The following GPRIN1 variants were observed in gnomAD, a reference collection of about 807,000 sequenced individuals.
GPRIN1 encodes G protein-regulated inducer of neurite outgrowth 1.
GPRIN1 carries 4 observed loss-of-function variants against 2.8 expected under a neutral mutation model. The observed-to-expected ratio is 1.45, with a 90% confidence interval of 0.71 to 3.32. The LOEUF (loss-of-function observed/expected upper bound fraction) is 3.32, where lower values mean the gene tolerates loss of function less well. Among genes scored for constraint, GPRIN1 ranks in the 30% most tolerant of loss-of-function variants. The pLI, the probability that GPRIN1 is intolerant of heterozygous loss-of-function variation, is 0.01. For synonymous variants in GPRIN1, 589 were observed against 589.9 expected (o/e 1.00, Z 0.02); for missense variants, 1,322 against 1,343.4 (o/e 0.98, Z 0.25).
At position 176,596,807 on chromosome 5, in the gene GPRIN1, A is replaced by T. The variant is rs1198217393; in HGVS notation, c.*1T>A. 2 of 1,430,446 alleles carry T rather than the reference A, an allele frequency of 1.4e-6. No individual in the cohort carries two copies. The highest frequency in any genetic ancestry group is 2.5e-5 in the Admixed American group (1 of 40,628). The allele number at this position is 1,430,446 out of a possible 1,614,324, so 88.6% of individuals were successfully genotyped here. A position where few individuals can be genotyped will look rare whatever the true frequency, so the allele number is the denominator to read the frequency against. On this transcript the variant is annotated 3_prime_UTR_variant, in exon 2 of 2. Transcript: ENST00000303991. This position sits in a 1 kb window ranked among gnomAD's most constrained non-coding sequence, Gnocchi z 5.2. ...ACTCGGGCGTACAAAATGGGGGCAG[A>T]TCACTCGGCCGTGGGTCCCGCCCGC...
chr5:176,600,790 C>T (rs1472787572), intron 1 of GPRIN1, among the ~76,000 whole-genome samples: 1 of 152,134 alleles, frequency 6.6e-6, no homozygotes, highest in African/African-American at 2.4e-5. Flanking sequence ...GTGGTGCACG[C>T]CTGTAATCCC....
At chr5:176,609,221 C>T (rs969885492) in intron 1 of GPRIN1, among the ~76,000 whole-genome samples, 1 of 152,124 alleles carries the variant, frequency 6.6e-6, no homozygotes. Context: ...GCAAGGGACC[C>T]CATGAGCAGG....
rs1360178443 is a variant in GPRIN1 at position 176,598,133 on chromosome 5, C to T, written c.1702G>A (p.Asp568Asn). The change falls in exon 2 of 2, where the codon GAC (aspartate) becomes AAC (asparagine). Residue 568 changes from aspartate (D) to asparagine (N), a missense_variant. Transcript: ENST00000303991. Reference sequence around the variant, plus strand: ...ACCACTTTACCTATAGACACAGAGTCCCCTTGTCCAGAGGGGCCAGCGTCT... The same window carrying T: ...ACCACTTTACCTATAGACACAGAGTTCCCTTGTCCAGAGGGGCCAGCGTCT... ...KADAGPSGQGDSVSIGKVVST... is the reference protein window; with the variant it reads ...KADAGPSGQGNSVSIGKVVST... The T allele has an allele frequency of 6.2e-7, 1 of 1,612,956 alleles. No homozygotes were observed. Among genetic ancestry groups the T allele is most frequent in the East Asian group, 2.2e-5 (1 of 44,858 alleles).
intron 1 of GPRIN1, among the ~76,000 whole-genome samples, chr5:176,603,089 T>C (rs6878704): frequency 0.65 from 98,323 of 151,830 alleles, 32,454 homozygotes; most frequent in Non-Finnish European, 0.72. Flanking sequence ...CCTTTTTTTT[T>C]CCAATGGACA....
chr5:176,601,939 C>T (rs781167566), intron 1 of GPRIN1, among the ~76,000 whole-genome samples: 6 of 152,156 alleles, frequency 3.9e-5, no homozygotes, highest in South Asian at 2.1e-4. Flanking sequence ...TAGTAAAACC[C>T]GAGACAAATC....
rs186291296 is a variant in GPRIN1, at chr5:176,600,826, G to T, written c.-43-949C>A. Among the ~76,000 whole-genome samples, 308 of 152,334 alleles carry T rather than the reference G, an allele frequency of 2.0e-3. 1 individual carries two copies. Among genetic ancestry groups the T allele is most frequent in the African/African-American group, 7.0e-3 (290 of 41,576 alleles). On this transcript the variant is annotated intron_variant, in intron 1 of 1. Transcript: ENST00000303991. ...AGCTACTCAGGAGGCCGAGGCAGGA[G>T]AATTGCTTGAACCTGAGAGGCAGAG... is the stretch of plus-strand genomic sequence containing the variant.
rs780500678 is a variant in GPRIN1 at position 176,597,136 on chromosome 5, G to C, written c.2699C>G (p.Ala900Gly). 2 of 1,456,908 alleles carry C rather than the reference G, an allele frequency of 1.4e-6. No individual in the cohort carries two copies. The highest frequency in any genetic ancestry group is 2.8e-5 in the South Asian group (2 of 72,300). The allele number at this position is 1,456,908 out of a possible 1,614,324, so 90.2% of individuals were successfully genotyped here. Residue 900 changes from alanine to glycine, a missense_variant, in exon 2 of 2, where the codon GCT (alanine) becomes GGT (glycine). Transcript: ENST00000303991. The surrounding 1 kb of genome is among the most constrained non-coding windows in gnomAD (Gnocchi z 6.1). ...CTCAGCCGGCTCCGGGGGCGCTACA[G>C]CGGCCGCCAGCGCTGAGCCGGGCCG... ...RVRPGSALAAAVAPPEPAEPV... is the reference protein window; with the variant it reads ...RVRPGSALAAGVAPPEPAEPV...
At position 176,595,987 on chromosome 5, in the gene GPRIN1, G is replaced by C. The variant is rs965068609; in HGVS notation, c.*821C>G. 4.4e-6 allele frequency: 1 copy of C among 229,756 alleles called. No homozygotes were observed. The highest frequency in any genetic ancestry group is 5.7e-5 in the Admixed American group (1 of 17,466). 14.2% of individuals were successfully genotyped at this position (229,756 alleles called of 1,614,324 possible). On this transcript the variant is annotated 3_prime_UTR_variant, in exon 2 of 2. Transcript: ENST00000303991. ...GGTTATAGAATGAGCTCTCTGTCCT[G>C]TCCCCAATACCCAAGAACACCGGTC... is the stretch of plus-strand genomic sequence containing the variant.
intron 1 of GPRIN1, among the ~76,000 whole-genome samples, chr5:176,605,389 C>G (rs1759209282): frequency 6.6e-6 from 1 of 152,202 alleles, no homozygotes; most frequent in Non-Finnish European, 1.5e-5. Flanking sequence ...CCACCATGCC[C>G]GGCCAAAACA....
rs774645967 is a variant in GPRIN1 at position 176,598,230 on chromosome 5, C to T, written c.1605G>A (p.Ala535=). The T allele has an allele frequency of 3.0e-5, 49 of 1,612,430 alleles. No individual in the cohort carries two copies. The highest frequency in any genetic ancestry group is 2.3e-4 in the Admixed American group (14 of 59,978). ...CGGCCTTCCCTGAGGCTGTGGGAGC[C>T]GCCTTTCCAGAGGCCACCAGACCTG... is the stretch of plus-strand genomic sequence containing the variant. ...EKAGLVASGK[A]APTASGKAEP... Residue 535 remains alanine, a synonymous_variant, in exon 2 of 2, where the codon GCG becomes GCA. Transcript: ENST00000303991.
At chr5:176,608,305 T>G (rs1190800636) in intron 1 of GPRIN1, among the ~76,000 whole-genome samples, 7 of 152,142 alleles carry the variant, frequency 4.6e-5, no homozygotes, top group Admixed American at 4.6e-4. Context: ...GAGCATGCAG[T>G]AGAAGAAGCA....
Position 176,596,567 on chromosome 5 carries a change from G to A in GPRIN1, c.*241C>T, listed in dbSNP as rs1335771541. On this transcript the variant is annotated 3_prime_UTR_variant, in exon 2 of 2. Coordinates refer to ENST00000303991, the MANE Select transcript of GPRIN1 (RefSeq NM_052899.3). This position sits in a 1 kb window ranked among gnomAD's most constrained non-coding sequence, Gnocchi z 5.2. ...CCGGGAGTAGAGCTGAGGGCTGTGAGGGGACAGTGGGGCGTCAGGGCTGGC... is the reference window on the plus strand; with the variant it reads ...CCGGGAGTAGAGCTGAGGGCTGTGAAGGGACAGTGGGGCGTCAGGGCTGGC... The A allele has an allele frequency of 1.9e-5, 5 of 258,380 alleles. No individual in the cohort carries two copies. The highest frequency in any genetic ancestry group is 9.0e-5 in the African/African-American group (4 of 44,370). The allele number at this position is 258,380 out of a possible 1,614,324, so 16.0% of individuals were successfully genotyped here.
chr5:176,608,803 C>A (rs1166823044), intron 1 of GPRIN1, among the ~76,000 whole-genome samples: 1 of 152,180 alleles, frequency 6.6e-6, no homozygotes, highest in Non-Finnish European at 1.5e-5. Context: ...ATGGAGCTAT[C>A]CTTACACCCA....
At position 176,599,035 on chromosome 5, in the gene GPRIN1, G is replaced by C. The variant is rs1281596259; in HGVS notation, c.800C>G (p.Pro267Arg). ...EEPRYSGKEH[P>R]VSSEKVAPTS... ...AGGAGCGACCTTTTCTGAGGACACA[G>C]GATGCTCTTTTCCTGAATACCTGGG... The change falls in exon 2 of 2, where the codon CCT becomes CGT. Residue 267 changes from proline (P) to arginine (R), a missense_variant. Physicochemically the swap from Pro to Arg is moderately radical, Grantham distance 103. Transcript: ENST00000303991. 2.5e-6 allele frequency: 4 copies of C among 1,614,212 alleles called. No individual in the cohort carries two copies. The South Asian group carries it at 4.4e-5, about 18-fold the overall frequency.
At chr5:176,607,903 CTTTTTTTTTTTTTTTTTT>C (rs35368228) in intron 1 of GPRIN1, among the ~76,000 whole-genome samples, 860 of 67,386 alleles carry the variant, frequency 0.013, 13 homozygotes, top group African/African-American at 0.055. Flanking sequence ...ACACTTGGCT[CTTTTTTTTTTTTTTTTTT>C]TTTTTTTTTT....
At chr5:176,600,638 G>A (rs1759131912) in intron 1 of GPRIN1, among the ~76,000 whole-genome samples, 1 of 152,212 alleles carries the variant, frequency 6.6e-6, no homozygotes, top group African/African-American at 2.4e-5. Flanking sequence ...GGATGGCCGG[G>A]TGCGGCGGCT....
At position 176,598,190 on chromosome 5, in the gene GPRIN1, C is replaced by T. The variant is rs79982520; in HGVS notation, c.1645G>A (p.Gly549Ser). 9.9e-5 allele frequency: 160 copies of T among 1,612,568 alleles called. No individual in the cohort carries two copies. The African/African-American group carries it at 1.1e-3, about 11-fold the overall frequency. Residue 549 changes from glycine (G) to serine (S), a missense_variant, in exon 2 of 2, where the codon GGC becomes AGC. Around this residue, in one of 3 missense-constraint regions of GPRIN1, gnomAD observed 1,117 missense variants for 1,128.6 expected, o/e 0.99. Transcript: ENST00000303991. ...CCCTTGCTCACAGGGTCCTCCTTGCCCACCGCGAGGGGCTCGGCCTTCCCT... is the reference window on the plus strand; with the variant it reads ...CCCTTGCTCACAGGGTCCTCCTTGCTCACCGCGAGGGGCTCGGCCTTCCCT... Reference protein sequence around the residue: ...ASGKAEPLAVGKEDPVSKGKA... With the variant: ...ASGKAEPLAVSKEDPVSKGKA...
At chr5:176,607,946 G>A (rs1235915911) in intron 1 of GPRIN1, among the ~76,000 whole-genome samples, 4 of 96,566 alleles carry the variant, frequency 4.1e-5, no homozygotes, top group African/African-American at 7.8e-5. Context: ...TTTTTCTGAA[G>A]ACAGGGTCTC....
At chr5:176,603,964 T>A (rs898079981) in intron 1 of GPRIN1, among the ~76,000 whole-genome samples, 2 of 152,182 alleles carry the variant, frequency 1.3e-5, no homozygotes, top group Non-Finnish European at 2.9e-5. Flanking sequence ...TGGCCCCTTC[T>A]AAAGGGGCAA....
Sources: allele counts gnomAD v4.1 joint callset (sites outside exome capture counted in the v4.1 genomes callset), GRCh38; gene constraint gnomAD v4.1.1; regional missense constraint gnomAD v4.1.1; non-coding constraint Gnocchi (gnomAD v3.1); transcripts MANE v1.5; gene names NCBI Gene and HGNC (gene_info 2026-07-23, HGNC 2026-07-21).